Variants in RYR3 observed in about 807,000 individuals in gnomAD.
RYR3 encodes ryanodine receptor 3.
A neutral mutation model predicts 584.3 loss-of-function variants in RYR3; 207 were observed. The ratio of observed to expected loss-of-function variants is 0.35; its 90% CI spans 0.32 to 0.40. The LOEUF is 0.40. Ranked by LOEUF, RYR3 falls within the 10% of genes least tolerant of loss-of-function variation. The pLI is 1.00. For synonymous variants in RYR3, 2,416 were observed against 2,248.5 expected (o/e 1.07, Z -2.11); for missense variants, 5,616 against 6,089.2 (o/e 0.92, Z 2.59).
intron 66 of RYR3, among the ~76,000 whole-genome samples, chr15:33,787,163 C>T (rs138467881): frequency 6.6e-6 from 1 of 152,190 alleles, no homozygotes; most frequent in South Asian, 2.1e-4. Flanking sequence ...TTCATTCAGA[C>T]AGGCTACTTA....
At chr15:33,745,085 GAGAC>G (rs144070389) in intron 52 of RYR3, among the ~76,000 whole-genome samples, 8 of 152,142 alleles carry the variant, frequency 5.3e-5, no homozygotes, top group South Asian at 2.1e-4. Flanking sequence ...GTGGGTGAGA[GAGAC>G]AGACAGACAG....
Position 33,825,525 on chromosome 15 carries a change from G to C in RYR3, c.11073-78G>C, listed in dbSNP as rs1184174215. The C allele has an allele frequency of 1.1e-5, 10 of 895,962 alleles. No individual in the cohort carries two copies. In the East Asian group the frequency reaches 2.2e-4, roughly 20 times the overall value. The allele number at this position is 895,962 out of a possible 1,614,324, so 55.5% of individuals were successfully genotyped here. A position where few individuals can be genotyped will look rare whatever the true frequency, so the allele number is the denominator to read the frequency against. The stretch of plus-strand genomic sequence containing the variant: ...ACACAGGGGCAGGATATGCTTAGTC[G>C]ATAGGTACATTAACATTAGAAATCT... On this transcript the variant is annotated intron_variant, in intron 81 of 103. Coordinates refer to ENST00000634891, the MANE Select transcript of RYR3 (RefSeq NM_001036.6).
At chr15:33,348,908 C>G (rs1158027670) in intron 1 of RYR3, among the ~76,000 whole-genome samples, 66 of 152,062 alleles carry the variant, frequency 4.3e-4, no homozygotes, top group Admixed American at 4.3e-3. Context: ...CCCTAAAAAT[C>G]CCCTGTGTTT....
At chr15:33,797,361 A>G (rs2075686823) in intron 67 of RYR3, among the ~76,000 whole-genome samples, 1 of 152,116 alleles carries the variant, frequency 6.6e-6, no homozygotes, top group Non-Finnish European at 1.5e-5. Context: ...TGAATCCCAT[A>G]GGAGACTGGG....
intron 10 of RYR3, among the ~76,000 whole-genome samples, chr15:33,561,880 C>CA (rs1438471997): frequency 6.7e-6 from 1 of 148,368 alleles, no homozygotes; most frequent in African/African-American, 2.5e-5. Context: ...GCCTGGGTGA[C>CA]AGAGTGAGAC....
chr15:33,787,472 C>T (rs2074801173), intron 66 of RYR3, among the ~76,000 whole-genome samples: 2 of 151,648 alleles, frequency 1.3e-5, no homozygotes, highest in Non-Finnish European at 1.5e-5. Flanking sequence ...GTCAGTGGTT[C>T]ACAACTCTCA....
chr15:33,435,714 G>T (rs185298282), intron 1 of RYR3, among the ~76,000 whole-genome samples: 3 of 152,220 alleles, frequency 2.0e-5, no homozygotes, highest in Middle Eastern at 3.4e-3. Flanking sequence ...TGTTCCTCCC[G>T]GTAGGTTCCT....
chr15:33,687,861 T>C (rs1207966672), intron 38 of RYR3, among the ~76,000 whole-genome samples: 1 of 152,224 alleles, frequency 6.6e-6, no homozygotes, highest in Non-Finnish European at 1.5e-5. Flanking sequence ...GCTAGCCATA[T>C]GTAGAAAGCT....
intron 24 of RYR3, 137 bp downstream of exon 24, chr15:33,633,245 T>C (rs2061350825): frequency 1.3e-6 from 1 of 799,050 alleles, no homozygotes; most frequent in Non-Finnish European, 2.0e-6. Context: ...GTGTGTTCAT[T>C]ATTTATGGAA....
intron 19 of RYR3, among the ~76,000 whole-genome samples, chr15:33,617,698 A>T (rs920817851): frequency 6.6e-6 from 1 of 152,164 alleles, no homozygotes; most frequent in Non-Finnish European, 1.5e-5. Context: ...TTTTTAAAAT[A>T]ATTTTTATAC....
intron 98 of RYR3, among the ~76,000 whole-genome samples, chr15:33,857,174 T>C (rs1189329352): frequency 3.9e-5 from 6 of 152,160 alleles, no homozygotes; most frequent in African/African-American, 1.4e-4. Context: ...TACAGACTGC[T>C]ATTTTGTTAA....
intron 10 of RYR3, among the ~76,000 whole-genome samples, chr15:33,562,541 A>T (rs537127238): frequency 1.2e-4 from 18 of 148,406 alleles, no homozygotes; most frequent in Non-Finnish European, 1.9e-4. Context: ...AGTAGAAAAT[A>T]TAGTGAAGAA....
chr15:33,506,203 TA>T (rs2052472651), intron 3 of RYR3, among the ~76,000 whole-genome samples: 1 of 152,204 alleles, frequency 6.6e-6, no homozygotes, highest in South Asian at 2.1e-4. Flanking sequence ...CGCACTTTAA[TA>T]AAATTGAGCT....
intron 3 of RYR3, among the ~76,000 whole-genome samples, chr15:33,515,828 G>A (rs1298794886): frequency 6.6e-6 from 1 of 152,054 alleles, no homozygotes; most frequent in Non-Finnish European, 1.5e-5. Flanking sequence ...TCATCAATGT[G>A]CACTTATTTT....
At chr15:33,528,541 ACAT>A (rs1168410886) in intron 3 of RYR3, among the ~76,000 whole-genome samples, 1 of 152,134 alleles carries the variant, frequency 6.6e-6, no homozygotes, top group Non-Finnish European at 1.5e-5. Context: ...TCCATTTGTA[ACAT>A]CATTTTTATA....
chr15:33,486,189 T>C (rs143250289), intron 2 of RYR3, among the ~76,000 whole-genome samples: 23 of 152,248 alleles, frequency 1.5e-4, no homozygotes, highest in African/African-American at 5.3e-4. Flanking sequence ...ATTACCACAA[T>C]CTAGATGGCT....
At position 33,740,107 on chromosome 15, in the gene RYR3, T is replaced by C. The variant is rs2069930928; in HGVS notation, c.7820+112T>C. On this transcript the variant is annotated intron_variant, in intron 51 of 103. Coordinates refer to ENST00000634891, the MANE Select transcript of RYR3 (RefSeq NM_001036.6). Reference sequence around the variant, plus strand: ...TTACCTCTTTCCCTCCTGCCAACACTGTTCATCATTTCTCTTGATGTGTCA... The same window carrying C: ...TTACCTCTTTCCCTCCTGCCAACACCGTTCATCATTTCTCTTGATGTGTCA... The C allele has an allele frequency of 4.7e-6, 4 of 849,732 alleles. No homozygotes were observed. The South Asian group carries it at 5.2e-5, about 11-fold the overall frequency. 52.6% of individuals were successfully genotyped at this position (849,732 alleles called of 1,614,324 possible).
intron 64 of RYR3, among the ~76,000 whole-genome samples, chr15:33,777,797 AAAAAAG>A (rs1242115978): frequency 2.0e-5 from 3 of 152,070 alleles, no homozygotes; most frequent in Non-Finnish European, 2.9e-5. Flanking sequence ...GGAAAAAAAA[AAAAAAG>A]AGAAGAATAA....
rs2077096257 is a variant in RYR3, at chr15:33,821,361, C to G, written c.10907C>G (p.Ala3636Gly). The change falls in exon 79 of 104, where the codon GCT becomes GGT. Residue 3636 changes from alanine (A) to glycine (G), a missense_variant. Coordinates refer to ENST00000634891, the MANE Select transcript of RYR3 (RefSeq NM_001036.6). ...GAGATGGTCCTTCAGATGATAAGCGCTAGCAAAGGTGATTTCCCTAGTTTC... is the reference window on the plus strand; with the variant it reads ...GAGATGGTCCTTCAGATGATAAGCGGTAGCAAAGGTGATTTCCCTAGTTTC... ...AAEMVLQMIS[A>G]SKGEMSPMVV... 2 of 1,601,152 alleles carry G rather than the reference C, an allele frequency of 1.2e-6. No homozygotes were observed. Among genetic ancestry groups the G allele is most frequent in the East Asian group, 4.5e-5 (2 of 44,404 alleles).
Sources: gnomAD v4.1 joint callset for allele counts (sites outside exome capture counted in the v4.1 genomes callset) on GRCh38, gnomAD v4.1.1 for gene constraint, MANE v1.5 for transcripts, NCBI Gene and HGNC (gene_info 2026-07-23, HGNC 2026-07-21) for gene names.